PTPRA: variants seen among roughly 807,000 people sequenced by gnomAD.
PTPRA encodes receptor-type tyrosine-protein phosphatase alpha.
A neutral mutation model predicts 104.8 loss-of-function variants in PTPRA; 25 were observed. The ratio of observed to expected loss-of-function variants is 0.24; its 90% confidence interval spans 0.17 to 0.33. The LOEUF is 0.33. Among genes scored for constraint, PTPRA ranks in the 10% least tolerant of loss-of-function variants. The pLI, the probability that PTPRA is intolerant of heterozygous loss-of-function variation, is 1.00. For synonymous variants in PTPRA, 323 were observed against 368.9 expected (o/e 0.88, Z 1.43); for missense variants, 765 against 1,015.3 (o/e 0.75, Z 3.35).
rs910536772 is a variant in PTPRA at position 3,019,945 on chromosome 20, G to A, written c.1042-1364G>A. Among the ~76,000 whole-genome samples the A allele has an allele frequency of 4.9e-4, 75 of 152,012 alleles. No homozygotes were observed. The East Asian group carries it at 0.012, about 25-fold the overall frequency. On this transcript the variant is annotated intron_variant, in intron 13 of 23. Transcript: ENST00000399903. ...GAAAACCAGTCAGGCGTGGCGGCGC[G>A]CGCCTGCAATCGCAGGCACTCGGCA...
intron 11 of PTPRA, among the ~76,000 whole-genome samples, chr20:3,013,157 C>T (rs997503636): frequency 3.2e-4 from 49 of 152,144 alleles, no homozygotes; most frequent in African/African-American, 6.8e-4. Flanking sequence ...TCTCACCCCC[C>T]GGCCATCACT....
chr20:2,891,649 G>A (rs1053325584), intron 1 of PTPRA, among the ~76,000 whole-genome samples: 1 of 152,128 alleles, frequency 6.6e-6, no homozygotes, highest in African/African-American at 2.4e-5. Context: ...ACATTGGCAT[G>A]TGTAGATTAA....
chr20:2,992,496 G>A (rs925160589), intron 9 of PTPRA, among the ~76,000 whole-genome samples: 4 of 152,040 alleles, frequency 2.6e-5, no homozygotes, highest in East Asian at 3.9e-4. Context: ...TAGCCTGGGC[G>A]ACAAGAGCGA....
intron 1 of PTPRA, among the ~76,000 whole-genome samples, chr20:2,883,651 CAAAAAAA>C (rs71195803): frequency 1.8e-3 from 6 of 3,248 alleles, no homozygotes; most frequent in African/African-American, 4.0e-3. Flanking sequence ...GACTCCGTCT[CAAAAAAA>C]AAAAAAAAAA....
intron 2 of PTPRA, among the ~76,000 whole-genome samples, chr20:2,944,375 A>G (rs2061047651): frequency 6.6e-6 from 1 of 152,094 alleles, no homozygotes; most frequent in African/African-American, 2.4e-5. Context: ...CATTCATGCA[A>G]CTGTAATCAT....
chr20:3,035,571 A>T lies in PTPRA; in HGVS notation c.1921-14A>T. On this transcript the variant is annotated splice_polypyrimidine_tract_variant and intron_variant, in intron 20 of 23. Coordinates refer to ENST00000399903, the MANE Select transcript of PTPRA (RefSeq NM_001385305.1). This position sits in a 1 kb window ranked among gnomAD's most constrained non-coding sequence, Gnocchi z 5.8. Reference sequence around the variant, plus strand: ...GTACTCTGAGCTCCTCACCTCTCCAACCTGTCTCTCCAGGAGAAGTGTGCC... The same window carrying T: ...GTACTCTGAGCTCCTCACCTCTCCATCCTGTCTCTCCAGGAGAAGTGTGCC... 6.2e-7 allele frequency: 1 copy of T among 1,607,826 alleles called. No homozygotes were observed. The highest frequency in any genetic ancestry group is 8.5e-7 in the Non-Finnish European group (1 of 1,174,456).
At chr20:3,029,251 C>A (rs929643991) in intron 20 of PTPRA, among the ~76,000 whole-genome samples, 12 of 151,500 alleles carry the variant, frequency 7.9e-5, no homozygotes, top group Non-Finnish European at 1.6e-4. Context: ...AGTGATCCTC[C>A]CACATAGCCC....
chr20:3,037,080 C>G lies in PTPRA; in HGVS notation c.2199-74C>G. On this transcript the variant is annotated intron_variant, in intron 22 of 23. Transcript: ENST00000399903. This position sits in a 1 kb window ranked among gnomAD's most constrained non-coding sequence, Gnocchi z 4.3. ...AGCTGCCTGCCCCCACCTCTTCTGCCACTCACCACTGTCACTCACCCCCTT... is the reference window on the plus strand; with the variant it reads ...AGCTGCCTGCCCCCACCTCTTCTGCGACTCACCACTGTCACTCACCCCCTT... The G allele has an allele frequency of 6.4e-7, 1 of 1,564,232 alleles. No individual in the cohort carries two copies. The highest frequency in any genetic ancestry group is 8.7e-7 in the Non-Finnish European group (1 of 1,151,954).
chr20:3,024,328 A>C, intron 16 of PTPRA, 144 bp from the exon 17 acceptor site: 2 of 874,334 alleles, frequency 2.3e-6, no homozygotes, highest in Non-Finnish European at 3.5e-6. Flanking sequence ...ACTTCACTAA[A>C]TTGGGATAAT....
chr20:2,914,970 C>T (rs1355083415), intron 1 of PTPRA, among the ~76,000 whole-genome samples: 1 of 152,148 alleles, frequency 6.6e-6, no homozygotes, highest in African/African-American at 2.4e-5. Flanking sequence ...ATAGTTGTCC[C>T]TTTTGCAGTT....
intron 16 of PTPRA, among the ~76,000 whole-genome samples, chr20:3,023,473 A>G (rs997659650): frequency 2.6e-5 from 4 of 152,236 alleles, no homozygotes; most frequent in Non-Finnish European, 5.9e-5. Flanking sequence ...CTGAGATAGG[A>G]GAAAACCGCC....
intron 7 of PTPRA, 41 bp from the exon 8 acceptor site, chr20:2,987,991 C>A (rs770226742): frequency 4.0e-6 from 6 of 1,497,820 alleles, no homozygotes; most frequent in Non-Finnish European, 5.6e-6. Context: ...GCCTCTCCCA[C>A]CTCTGTGCTC....
At position 2,988,347 on chromosome 20, in the gene PTPRA, G is replaced by A. The variant is rs917284742; in HGVS notation, c.611G>A (p.Ser204Asn). 3.1e-6 allele frequency: 5 copies of A among 1,600,864 alleles called. No individual in the cohort carries two copies. Among genetic ancestry groups the A allele is most frequent in the Non-Finnish European group, 4.2e-6 (5 of 1,176,798 alleles). ...NGRTEDVEPQ[S>N]VPLLARSPST... ...CCCTTGTGTACTGCAGAGCCCCAGAGTGTGCCACTTCTGGCCAGATCCCCA... is the reference window on the plus strand; with the variant it reads ...CCCTTGTGTACTGCAGAGCCCCAGAATGTGCCACTTCTGGCCAGATCCCCA... The change falls in exon 9 of 24, where the codon AGT becomes AAT. Residue 204 changes from serine to asparagine, a missense_variant. Ser to Asn is a conservative substitution (Grantham distance 46, BLOSUM62 1). Coordinates refer to ENST00000399903, the MANE Select transcript of PTPRA (RefSeq NM_001385305.1).
chr20:2,964,986 C>G lies in PTPRA; in HGVS notation c.199C>G (p.Pro67Ala). The G allele has an allele frequency of 6.2e-7, 1 of 1,613,992 alleles. No homozygotes were observed. Residue 67 changes from proline (P) to alanine (A), a missense_variant, in exon 5 of 24, where the codon CCA becomes GCA. Pro to Ala is a conservative substitution (Grantham distance 27, BLOSUM62 -1). Around this residue, in one of 4 missense-constraint regions of PTPRA, gnomAD observed 256 missense variants for 248.9 expected, o/e 1.03. Transcript: ENST00000399903. ...TCTTTCTGTGGCACCAACATTCAGCCCAAATATAACTCTGGGACCCACCTA... is the reference window on the plus strand; with the variant it reads ...TCTTTCTGTGGCACCAACATTCAGCGCAAATATAACTCTGGGACCCACCTA... ...TSLSVAPTFS[P>A]NITLGPTYLT...
At chr20:3,019,503 A>T (rs2064725589) in intron 13 of PTPRA, among the ~76,000 whole-genome samples, 2 of 147,346 alleles carry the variant, frequency 1.4e-5, no homozygotes, top group South Asian at 4.3e-4. Flanking sequence ...TGCTCCCCAC[A>T]TCTCAGACGA....
At chr20:2,992,346 G>A (rs1017999007) in intron 9 of PTPRA, among the ~76,000 whole-genome samples, 8 of 152,114 alleles carry the variant, frequency 5.3e-5, no homozygotes, top group East Asian at 1.9e-4. Flanking sequence ...GTGAAACCCC[G>A]TCTCTACTAA....
At chr20:2,961,246 C>T (rs763116098) in intron 3 of PTPRA, among the ~76,000 whole-genome samples, 6 of 152,168 alleles carry the variant, frequency 3.9e-5, no homozygotes, top group Non-Finnish European at 5.9e-5. Flanking sequence ...TGCATTCCCA[C>T]CAGCAGTGAA....
At position 3,024,459 on chromosome 20, in the gene PTPRA, A is replaced by T; in HGVS notation, c.1465-13A>T. ...GTATGTAACCAAGAACTTCTGTGTC[A>T]TTCATGTTTCAGATGCAGTATGTCT... On this transcript the variant is annotated splice_polypyrimidine_tract_variant and intron_variant, in intron 16 of 23. Transcript: ENST00000399903. 6.2e-7 allele frequency: 1 copy of T among 1,611,036 alleles called. No homozygotes were observed. Among genetic ancestry groups the T allele is most frequent in the Non-Finnish European group, 8.5e-7 (1 of 1,177,528 alleles).
Position 2,956,933 on chromosome 20 carries a change from A to G in PTPRA, c.-6-7339A>G, listed in dbSNP as rs145052239. On this transcript the variant is annotated intron_variant, in intron 3 of 23. Transcript: ENST00000399903. ...TTATATGAGAGTACCTGTTTACTCA[A>G]ACTCTTGCCAATGCAGCATTATCAA... Among the ~76,000 whole-genome samples, 275 of 152,340 alleles carry G rather than the reference A, an allele frequency of 1.8e-3. 8 individuals are homozygous for G. The highest frequency in any genetic ancestry group is 0.016 in the Admixed American group (240 of 15,304).
Sources: gnomAD v4.1 joint callset for allele counts (sites outside exome capture counted in the v4.1 genomes callset) on GRCh38, gnomAD v4.1.1 for gene constraint, gnomAD v4.1.1 regional missense constraint, Gnocchi (gnomAD v3.1) non-coding constraint, MANE v1.5 for transcripts, NCBI Gene and HGNC (gene_info 2026-07-23, HGNC 2026-07-21) for gene names.